Variants in UNC5D observed in about 807,000 individuals in gnomAD.
UNC5D encodes the protein netrin receptor UNC5D.
UNC5D carries 39 observed loss-of-function variants against 105.4 expected under a neutral mutation model. That is an observed-to-expected ratio of 0.37 (90% CI 0.29 to 0.48). The LOEUF (loss-of-function observed/expected upper bound fraction) is 0.48. Among genes scored for constraint, UNC5D ranks in the 20% least tolerant of loss-of-function variants. UNC5D has a pLI of 0.98. For missense variants in UNC5D, 991 were observed against 1,202.4 expected, an observed-to-expected ratio of 0.82 and a Z score of 2.60; for synonymous variants, 452 against 450.4, an observed-to-expected ratio of 1.00 and a Z score of -0.04.
chr8:35,352,553 G>A (rs1209100281), intron 1 of UNC5D, among the ~76,000 whole-genome samples: 3 of 151,936 alleles, frequency 2.0e-5, no homozygotes, highest in African/African-American at 7.3e-5. Flanking sequence ...TCATTAATAA[G>A]GTCTTAGAAG....
At chr8:35,573,637 A>G (rs1817899355) in intron 3 of UNC5D, among the ~76,000 whole-genome samples, 1 of 152,126 alleles carries the variant, frequency 6.6e-6, no homozygotes, top group African/African-American at 2.4e-5. Context: ...GTTCATGTAC[A>G]TTTGAGTGTT....
chr8:35,583,811 A>G (rs1276917132), intron 3 of UNC5D, among the ~76,000 whole-genome samples: 2 of 152,300 alleles, frequency 1.3e-5, no homozygotes, highest in Admixed American at 6.5e-5. Flanking sequence ...TCCTTTATGT[A>G]TTGACACAAC....
At chr8:35,329,666 A>G (rs1297118591) in intron 1 of UNC5D, among the ~76,000 whole-genome samples, 1 of 152,128 alleles carries the variant, frequency 6.6e-6, no homozygotes, top group Non-Finnish European at 1.5e-5. Flanking sequence ...TTTAAAAAAA[A>G]TTAAGAAAAA....
chr8:35,534,071 C>CG (rs1563509351), intron 1 of UNC5D, among the ~76,000 whole-genome samples: 1 of 152,154 alleles, frequency 6.6e-6, no homozygotes, highest in Non-Finnish European at 1.5e-5. Flanking sequence ...TGGCTCCTCC[C>CG]GCCACAACTG....
At chr8:35,464,353 G>T (rs1425063636) in intron 1 of UNC5D, among the ~76,000 whole-genome samples, 1 of 151,986 alleles carries the variant, frequency 6.6e-6, no homozygotes, top group African/African-American at 2.4e-5. Flanking sequence ...TAATAAAAAA[G>T]AAAACAGTTG....
At chr8:35,500,734 C>G (rs981999212) in intron 1 of UNC5D, among the ~76,000 whole-genome samples, 2 of 152,146 alleles carry the variant, frequency 1.3e-5, no homozygotes, top group African/African-American at 4.8e-5. Context: ...CCTTGTATAT[C>G]ACGGCTGCGT....
At chr8:35,405,446 C>A (rs563029265) in intron 1 of UNC5D, among the ~76,000 whole-genome samples, 68 of 152,122 alleles carry the variant, frequency 4.5e-4, no homozygotes, top group Non-Finnish European at 8.4e-4. Flanking sequence ...TACCTTGTGC[C>A]AGATTTTGAC....
At chr8:35,313,232 T>G (rs1809031325) in intron 1 of UNC5D, among the ~76,000 whole-genome samples, 1 of 152,186 alleles carries the variant, frequency 6.6e-6, no homozygotes, top group Admixed American at 6.5e-5. Context: ...ATCCAAATAT[T>G]TATCTTCAAG....
chr8:35,786,646 A>G (rs1011552464), intron 16 of UNC5D, among the ~76,000 whole-genome samples: 26 of 152,008 alleles, frequency 1.7e-4, no homozygotes, highest in African/African-American at 6.0e-4. Context: ...AAAGATCCCC[A>G]AACATTTACC....
chr8:35,463,192 C>T (rs1809026080), intron 1 of UNC5D, among the ~76,000 whole-genome samples: 1 of 152,208 alleles, frequency 6.6e-6, no homozygotes. Context: ...CCACAGAGCA[C>T]ACCCTCTCCT....
At chr8:35,326,727 A>T (rs1471520248) in intron 1 of UNC5D, among the ~76,000 whole-genome samples, 1 of 151,952 alleles carries the variant, frequency 6.6e-6, no homozygotes, top group African/African-American at 2.4e-5. Flanking sequence ...ATGCACTCCA[A>T]CCTGGGTGAC....
intron 1 of UNC5D, among the ~76,000 whole-genome samples, chr8:35,395,344 G>T (rs1585742662): frequency 6.6e-6 from 1 of 152,138 alleles, no homozygotes; most frequent in African/African-American, 2.4e-5. Flanking sequence ...TGAAGATGTG[G>T]CTATCAGAAA....
chr8:35,502,931 G>A (rs1812063827), intron 1 of UNC5D, among the ~76,000 whole-genome samples: 1 of 152,068 alleles, frequency 6.6e-6, no homozygotes, highest in Non-Finnish European at 1.5e-5. Flanking sequence ...TTCTTAATAG[G>A]CAAGGAAACT....
chr8:35,502,755 C>T (rs1028188323), intron 1 of UNC5D, among the ~76,000 whole-genome samples: 5 of 151,188 alleles, frequency 3.3e-5, no homozygotes, highest in African/African-American at 4.9e-5. Flanking sequence ...TTAGTAGAGA[C>T]GGGGTTTCAC....
chr8:35,485,957 C>A (rs963579652), intron 1 of UNC5D, among the ~76,000 whole-genome samples: 10 of 152,198 alleles, frequency 6.6e-5, no homozygotes, highest in Non-Finnish European at 1.5e-4. Flanking sequence ...CTACAGATCA[C>A]ACCTTTGCTT....
At chr8:35,785,921 C>T (rs553556606) in intron 16 of UNC5D, among the ~76,000 whole-genome samples, 1 of 152,216 alleles carries the variant, frequency 6.6e-6, no homozygotes, top group South Asian at 2.1e-4. Context: ...CTGGACGTCA[C>T]CTAAGTTTTA....
chr8:35,407,444 C>A (rs928018947), intron 1 of UNC5D, among the ~76,000 whole-genome samples: 1 of 152,060 alleles, frequency 6.6e-6, no homozygotes. Context: ...CACCACTACA[C>A]TGGATCTGAT....
chr8:35,505,756 C>T (rs557657138), intron 1 of UNC5D, among the ~76,000 whole-genome samples: 2 of 152,136 alleles, frequency 1.3e-5, no homozygotes, highest in East Asian at 1.9e-4. Context: ...TAAACCGAAG[C>T]CTATTTCCCC....
intron 3 of UNC5D, among the ~76,000 whole-genome samples, chr8:35,572,315 GC>G (rs1817795887): frequency 8.1e-6 from 1 of 124,018 alleles, no homozygotes; most frequent in Non-Finnish European, 1.8e-5. Flanking sequence ...CACAAAACAA[GC>G]AAAAAACTGA....
Sources: gnomAD v4.1 joint callset for allele counts (sites outside exome capture counted in the v4.1 genomes callset) on GRCh38, gnomAD v4.1.1 for gene constraint, MANE v1.5 for transcripts, NCBI Gene and HGNC (gene_info 2026-07-23, HGNC 2026-07-21) for gene names.